Variants in GINM1 observed in about 807,000 individuals in gnomAD.
The protein encoded by GINM1 is glycosylated integral membrane protein 1.
In GINM1, 29 loss-of-function variants were observed where a neutral mutation model predicts 37.8. The ratio of observed to expected loss-of-function variants is 0.77; its 90% CI spans 0.57 to 1.05. GINM1 has a LOEUF of 1.05. GINM1 is among the 50% of genes least tolerant of loss of function. GINM1 has a pLI of 0.00. For synonymous variants in GINM1, 143 were observed against 146.2 expected, an observed-to-expected ratio of 0.98 and a Z score of 0.16; for missense variants, 377 against 397.9, an observed-to-expected ratio of 0.95 and a Z score of 0.45.
At chr6:149,574,799 T>C (rs975339018) in intron 3 of GINM1, among the ~76,000 whole-genome samples, 1 of 152,164 alleles carries the variant, frequency 6.6e-6, no homozygotes, top group Admixed American at 6.5e-5. Context: ...GCTCAGGAGA[T>C]AGAGGCTGCA....
rs569168425 is a variant in GINM1 at position 149,581,446 on chromosome 6, A to C, written c.717+723A>C. 7.9e-5 allele frequency among the ~76,000 whole-genome samples: 12 copies of C among 152,328 alleles called. 1 individual carries two copies. The East Asian group carries it at 2.1e-3, about 27-fold the overall frequency. ...AGTGTTGGGATTATAGGCATGAGCC[A>C]CCATCCCCGGCCGATAATTACTCTT... On this transcript the variant is annotated intron_variant, in intron 6 of 7. Coordinates refer to ENST00000367419, the MANE Select transcript of GINM1 (RefSeq NM_138785.5).
Position 149,566,638 on chromosome 6 carries a change from G to C in GINM1, c.120+104G>C. Reference sequence around the variant, plus strand: ...CCACATCCCACCGGCGGGCAGGGGCGGGGGTCCGGGCCCCCGAAGGAGGTG... The same window carrying C: ...CCACATCCCACCGGCGGGCAGGGGCCGGGGTCCGGGCCCCCGAAGGAGGTG... On this transcript the variant is annotated intron_variant, in intron 1 of 7. Coordinates refer to ENST00000367419, the MANE Select transcript of GINM1 (RefSeq NM_138785.5). This position sits in a 1 kb window ranked among gnomAD's most constrained non-coding sequence, Gnocchi z 4.4. The C allele has an allele frequency of 2.2e-6, 3 of 1,345,176 alleles. No homozygotes were observed. The highest frequency in any genetic ancestry group is 1.9e-6 in the Non-Finnish European group (2 of 1,039,104). 83.3% of individuals were successfully genotyped at this position (1,345,176 alleles called of 1,614,324 possible). A position where few individuals can be genotyped will look rare whatever the true frequency, so the allele number is the denominator to read the frequency against.
intron 6 of GINM1, 153 bp downstream of exon 6, chr6:149,580,876 T>C (rs893412340): frequency 2.0e-5 from 12 of 596,442 alleles, no homozygotes; most frequent in Non-Finnish European, 2.6e-5. Context: ...ATATTTTTAG[T>C]ATTCCTATTT....
rs1014100447 is a variant in GINM1, at chr6:149,578,679, G to C, written c.278-143G>C. On this transcript the variant is annotated intron_variant, in intron 3 of 7. Coordinates refer to ENST00000367419, the MANE Select transcript of GINM1 (RefSeq NM_138785.5). ...CTTTGTTTTTAATAAATCTGAAACA[G>C]CATTGAGGTCAGGGATGAAGAAAGC... 7.4e-6 allele frequency: 4 copies of C among 543,572 alleles called. No homozygotes were observed. The South Asian group carries it at 1.2e-4, about 17-fold the overall frequency. 33.7% of individuals were successfully genotyped at this position (543,572 alleles called of 1,614,324 possible).
At position 149,582,505 on chromosome 6, in the gene GINM1, A is replaced by G; in HGVS notation, c.783A>G (p.Pro261=). The change falls in exon 7 of 8, where the codon CCA becomes CCG. Residue 261 remains proline (P), a synonymous_variant. Transcript: ENST00000367419. The part of the protein sequence containing the change: ...DLCRFWSNVF[P]VFFQFLNIMV... The stretch of plus-strand genomic sequence containing the variant: ...GTAGGTTCTGGAGCAACGTTTTCCC[A>G]GTATTCTTTCAGTTTTTGAACATCA... The G allele has an allele frequency of 1.9e-6, 3 of 1,612,804 alleles. No homozygotes were observed. Among genetic ancestry groups the G allele is most frequent in the South Asian group, 1.1e-5 (1 of 90,748 alleles).
At chr6:149,585,528 A>T (rs1281227277) in intron 7 of GINM1, among the ~76,000 whole-genome samples, 3 of 152,210 alleles carry the variant, frequency 2.0e-5, no homozygotes, top group Non-Finnish European at 2.9e-5. Flanking sequence ...GTGTGCCAGT[A>T]AATTTTTTTA....
At chr6:149,569,832 G>C (rs1777782887) in intron 1 of GINM1, among the ~76,000 whole-genome samples, 1 of 151,890 alleles carries the variant, frequency 6.6e-6, no homozygotes, top group South Asian at 2.1e-4. Flanking sequence ...ATGAGTAAAG[G>C]AATTAGAAGA....
intron 7 of GINM1, among the ~76,000 whole-genome samples, chr6:149,590,495 C>T (rs1778138358): frequency 6.6e-6 from 1 of 152,084 alleles, no homozygotes; most frequent in African/African-American, 2.4e-5. Flanking sequence ...CCTATTCTTC[C>T]CTAAAATAGG....
chr6:149,579,064 G>A, intron 4 of GINM1, 91 bp downstream of exon 4: 2 of 764,064 alleles, frequency 2.6e-6, no homozygotes, highest in Non-Finnish European at 2.0e-6. Flanking sequence ...ATTTGTTTCC[G>A]ACTTGATAAG....
chr6:149,580,691 C>G lies in GINM1; in HGVS notation c.685C>G (p.Pro229Ala). 1 of 1,613,896 alleles carries G rather than the reference C, an allele frequency of 6.2e-7. No homozygotes were observed. Among genetic ancestry groups the G allele is most frequent in the Admixed American group, 1.7e-5 (1 of 60,006 alleles). Reference protein sequence around the residue: ...DVLPGKLPETPLRAEPPSSYK... With the variant: ...DVLPGKLPETALRAEPPSSYK... ...TTTACCTGGCAAGTTACCTGAAACT[C>G]CTCTCAGAGCAGAGCCGCCATCTTC... The change falls in exon 6 of 8, where the codon CCT becomes GCT. Residue 229 changes from proline to alanine, a missense_variant. Coordinates refer to ENST00000367419, the MANE Select transcript of GINM1 (RefSeq NM_138785.5).
chr6:149,581,559 T>C (rs143096491), intron 6 of GINM1, among the ~76,000 whole-genome samples: 1 of 152,216 alleles, frequency 6.6e-6, no homozygotes, highest in Non-Finnish European at 1.5e-5. Context: ...TTAATCTGAA[T>C]AGCAGTGTAA....
chr6:149,567,369 T>C (rs924694583), intron 1 of GINM1, among the ~76,000 whole-genome samples: 3 of 152,210 alleles, frequency 2.0e-5, no homozygotes, highest in African/African-American at 7.2e-5. Context: ...CAAGAAACTA[T>C]GTCGGTACAC....
At chr6:149,577,705 C>G (rs1237514348) in intron 3 of GINM1, among the ~76,000 whole-genome samples, 1 of 152,188 alleles carries the variant, frequency 6.6e-6, no homozygotes, top group African/African-American at 2.4e-5. Flanking sequence ...GACTAAACAG[C>G]TGGGTGTGCA....
rs1043821040 is a variant in GINM1, at chr6:149,590,924, A to G, written c.*86A>G. 2 of 663,458 alleles carry G rather than the reference A, an allele frequency of 3.0e-6. No homozygotes were observed. Among genetic ancestry groups the G allele is most frequent in the African/African-American group, 3.6e-5 (2 of 55,050 alleles). 41.1% of individuals were successfully genotyped at this position (663,458 alleles called of 1,614,324 possible). ...TATAATTTTCTTTAAATCGTTAAGA[A>G]TCAGTTTATACACTAGAGAAATTGC... is the stretch of plus-strand genomic sequence containing the variant. On this transcript the variant is annotated 3_prime_UTR_variant, in exon 8 of 8. Transcript: ENST00000367419.
Position 149,572,622 on chromosome 6 carries a change from T to TGGAAATAATTTAG in GINM1, c.277+19_277+20insGGAAATAATTTAG. On this transcript the variant is annotated intron_variant, in intron 3 of 7. Coordinates refer to ENST00000367419, the MANE Select transcript of GINM1 (RefSeq NM_138785.5). ...TTGATAGGTGAGTATTACTAAATTA[T>TGGAAATAATTTAG]TTCCATAATTGCTCTGTTTTTTGTG... 1 of 1,286,296 alleles carries TGGAAATAATTTAG rather than the reference T, an allele frequency of 7.8e-7. No homozygotes were observed. The highest frequency in any genetic ancestry group is 1.1e-6 in the Non-Finnish European group (1 of 885,288). 79.7% of individuals were successfully genotyped at this position (1,286,296 alleles called of 1,614,324 possible).
intron 7 of GINM1, among the ~76,000 whole-genome samples, chr6:149,585,336 A>T (rs1778053885): frequency 6.6e-6 from 1 of 152,192 alleles, no homozygotes; most frequent in Non-Finnish European, 1.5e-5. Context: ...TTCAATTCTT[A>T]TTCTACCTAG....
In GINM1 at chr6:149,580,589, G is replaced by A. The variant is rs1438665236; in HGVS notation, c.587-4G>A. The A allele has an allele frequency of 1.9e-6, 3 of 1,607,328 alleles. No individual in the cohort carries two copies. Among genetic ancestry groups the A allele is most frequent in the South Asian group, 2.2e-5 (2 of 89,848 alleles). On this transcript the variant is annotated splice_polypyrimidine_tract_variant and splice_region_variant and intron_variant, in intron 5 of 7. Transcript: ENST00000367419. Reference sequence around the variant, plus strand: ...TTGGTAACGTTGCTCTTTCTCCTGGGTAGAAAGTGTTAGTTCACTGCAAAC... The same window carrying A: ...TTGGTAACGTTGCTCTTTCTCCTGGATAGAAAGTGTTAGTTCACTGCAAAC...
At chr6:149,567,502 G>C (rs867416653) in intron 1 of GINM1, among the ~76,000 whole-genome samples, 1 of 152,140 alleles carries the variant, frequency 6.6e-6, no homozygotes, top group East Asian at 1.9e-4. Flanking sequence ...TTAGCTGGGC[G>C]TGGTTGCAGG....
intron 1 of GINM1, among the ~76,000 whole-genome samples, chr6:149,570,136 TTATATATATATATATATATA>T (rs549791771): frequency 0.013 from 610 of 45,774 alleles, 13 homozygotes; most frequent in Non-Finnish European, 0.016. Flanking sequence ...TAGGTAGGTT[TTATATATATATATATATATA>T]TATATATATA....
Sources: gnomAD v4.1 joint callset for allele counts (sites outside exome capture counted in the v4.1 genomes callset) on GRCh38, gnomAD v4.1.1 for gene constraint, Gnocchi (gnomAD v3.1) non-coding constraint, MANE v1.5 for transcripts, NCBI Gene and HGNC (gene_info 2026-07-23, HGNC 2026-07-21) for gene names.